Variants in SGPP2 observed in about 807,000 individuals in gnomAD.
The protein encoded by SGPP2 is sphingosine 1-phosphate phosphohydrolase 2.
Under a neutral mutation model 33.9 loss-of-function variants are expected in SGPP2, and 30 were observed. The observed-to-expected ratio is 0.89, with a 90% CI of 0.66 to 1.20. SGPP2 has a LOEUF of 1.20. Ranked by LOEUF, SGPP2 falls within the 50% of genes most tolerant of loss-of-function variation. The pLI, the probability that SGPP2 is intolerant of heterozygous loss-of-function variation, is 0.00. For synonymous variants in SGPP2, 233 were observed against 225.0 expected (o/e 1.04, Z -0.32); for missense variants, 458 against 532.1 (o/e 0.86, Z 1.37).
intron 1 of SGPP2, among the ~76,000 whole-genome samples, chr2:222,456,486 A>G (rs1171402221): frequency 6.6e-6 from 1 of 152,256 alleles, no homozygotes; most frequent in Admixed American, 6.5e-5. Context: ...ATGGCAGCTT[A>G]CAAATTCATA....
intron 1 of SGPP2, among the ~76,000 whole-genome samples, chr2:222,471,481 A>G (rs1399352842): frequency 6.6e-6 from 1 of 152,138 alleles, no homozygotes; most frequent in Non-Finnish European, 1.5e-5. Context: ...AAATACAACA[A>G]TGATCCTTTA....
At chr2:222,437,691 G>A (rs377164518) in intron 1 of SGPP2, among the ~76,000 whole-genome samples, 2 of 152,202 alleles carry the variant, frequency 1.3e-5, no homozygotes, top group East Asian at 3.8e-4. Context: ...TTTATGGCTA[G>A]GTGGGTCAGA....
rs1427483208 is a variant in SGPP2 at position 222,424,716 on chromosome 2, C to G, written c.114C>G (p.Pro38=). The G allele has an allele frequency of 6.9e-7, 1 of 1,441,456 alleles. No homozygotes were observed. The highest frequency in any genetic ancestry group is 2.5e-5 in the Admixed American group (1 of 39,276). 89.3% of individuals were successfully genotyped at this position (1,441,456 alleles called of 1,614,324 possible). ...GCCCCCGGGAGAACGGCGCGGACCC[C>G]ACGGAGCGCGCGGCGCGGGTCCCCG... ...DEGPRENGAD[P]TERAARVPGV... is the part of the protein sequence containing the mutation. Residue 38 remains proline (P), a synonymous_variant, in exon 1 of 5, where the codon CCC becomes CCG. Coordinates refer to ENST00000321276, the MANE Select transcript of SGPP2 (RefSeq NM_152386.4).
At chr2:222,521,342 T>C (rs1574875360) in intron 2 of SGPP2, among the ~76,000 whole-genome samples, 1 of 152,344 alleles carries the variant, frequency 6.6e-6, no homozygotes, top group South Asian at 2.1e-4. Context: ...TCAGACTTTC[T>C]AGATTCGAAT....
chr2:222,424,254 C>T (rs967994770), upstream of SGPP2, among the ~76,000 whole-genome samples: 212 of 47,290 alleles, frequency 4.5e-3, 1 homozygote, highest in African/African-American at 0.016. Context: ...TTACGTCTGC[C>T]GGGGGAAGAA....
Position 222,560,510 on chromosome 2 carries a change from A to G in SGPP2, c.*1612A>G, listed in dbSNP as rs1689517831. ...AAGGCGATGATTATGCAAACACCGG[A>G]GTTCCCTCCTCTTCAGTTCCTAAGA... On this transcript the variant is annotated 3_prime_UTR_variant, in exon 5 of 5. Transcript: ENST00000321276. 6.6e-6 allele frequency: 1 copy of G among 152,216 alleles called. No individual in the cohort carries two copies. Among genetic ancestry groups the G allele is most frequent in the African/African-American group, 2.4e-5 (1 of 41,442 alleles). The allele number at this position is 152,216 out of a possible 1,614,324, so 9.4% of individuals were successfully genotyped here.
intron 4 of SGPP2, among the ~76,000 whole-genome samples, chr2:222,558,021 TAA>T (rs1027238187): frequency 1.3e-5 from 2 of 152,198 alleles, no homozygotes; most frequent in African/African-American, 2.4e-5. Flanking sequence ...ATTTGTGATA[TAA>T]GTGTCGAAAT....
intron 1 of SGPP2, among the ~76,000 whole-genome samples, chr2:222,469,444 AAGTGCTGGGATTAC>A (rs1383660730): frequency 1.3e-5 from 2 of 152,158 alleles, no homozygotes; most frequent in Admixed American, 6.5e-5. Context: ...CGGACTCCCA[AAGTGCTGGGATTAC>A]AGGCATGAGC....
At chr2:222,451,738 G>C (rs1010448822) in intron 1 of SGPP2, among the ~76,000 whole-genome samples, 1 of 152,234 alleles carries the variant, frequency 6.6e-6, no homozygotes. Context: ...GGAAGGAAGA[G>C]AAGGGAAAAG....
At chr2:222,545,606 T>C (rs1689176354) in intron 4 of SGPP2, among the ~76,000 whole-genome samples, 1 of 152,104 alleles carries the variant, frequency 6.6e-6, no homozygotes, top group Non-Finnish European at 1.5e-5. Flanking sequence ...GTCTTTTGTC[T>C]GTTATTGTTT....
chr2:222,468,784 C>A (rs770334456), intron 1 of SGPP2, among the ~76,000 whole-genome samples: 3 of 152,202 alleles, frequency 2.0e-5, no homozygotes, highest in Non-Finnish European at 4.4e-5. Flanking sequence ...CTGCATGCCT[C>A]CCCTTCTTCC....
intron 1 of SGPP2, among the ~76,000 whole-genome samples, chr2:222,429,199 T>C (rs902193505): frequency 1.3e-5 from 2 of 152,162 alleles, no homozygotes; most frequent in African/African-American, 4.8e-5. Flanking sequence ...CATAAACCAA[T>C]GTCCAAGATC....
In SGPP2 at chr2:222,550,163, C is replaced by A. The variant is rs1349991752; in HGVS notation, c.649-8184C>A. Among the ~76,000 whole-genome samples the A allele has an allele frequency of 6.6e-6, 1 of 152,162 alleles. No individual in the cohort carries two copies. Among genetic ancestry groups the A allele is most frequent in the Non-Finnish European group, 1.5e-5 (1 of 68,040 alleles). On this transcript the variant is annotated intron_variant, in intron 4 of 4. Coordinates refer to ENST00000321276, the MANE Select transcript of SGPP2 (RefSeq NM_152386.4). This position sits in a 1 kb window ranked among gnomAD's most constrained non-coding sequence, Gnocchi z 4.5. ...AAAGTGCTGGGATTACAGGCATGAG[C>A]CACCGCACCCAGCCTGTATGCCTTT...
At chr2:222,439,701 A>C (rs1697296481) in intron 1 of SGPP2, among the ~76,000 whole-genome samples, 1 of 152,260 alleles carries the variant, frequency 6.6e-6, no homozygotes, top group African/African-American at 2.4e-5. Flanking sequence ...CAAAAGATCA[A>C]GTTCTGTAGA....
At chr2:222,522,770 C>G (rs146457930) in intron 3 of SGPP2, among the ~76,000 whole-genome samples, 113 of 152,328 alleles carry the variant, frequency 7.4e-4, no homozygotes, top group African/African-American at 2.5e-3. Context: ...TCTTGACCTT[C>G]TGGGCTCAAG....
chr2:222,448,102 A>G (rs1697424203), intron 1 of SGPP2, among the ~76,000 whole-genome samples: 1 of 152,220 alleles, frequency 6.6e-6, no homozygotes, highest in African/African-American at 2.4e-5. Context: ...TCCGAAGCAC[A>G]TGCTTGGGAA....
At chr2:222,514,201 A>T (rs1229364514) in intron 2 of SGPP2, among the ~76,000 whole-genome samples, 1 of 152,212 alleles carries the variant, frequency 6.6e-6, no homozygotes, top group African/African-American at 2.4e-5. Context: ...GGAGCCTTGA[A>T]CCTGCTTTAC....
At chr2:222,463,101 C>G (rs756349536) in intron 1 of SGPP2, among the ~76,000 whole-genome samples, 1 of 152,190 alleles carries the variant, frequency 6.6e-6, no homozygotes, top group Non-Finnish European at 1.5e-5. Context: ...CTGCTCTAGG[C>G]AAGACTTTAG....
At chr2:222,441,953 A>G (rs1046131848) in intron 1 of SGPP2, among the ~76,000 whole-genome samples, 2 of 152,214 alleles carry the variant, frequency 1.3e-5, no homozygotes, top group African/African-American at 4.8e-5. Flanking sequence ...TGGTACCCCC[A>G]TGTCTCTACA....
Sources: allele counts gnomAD v4.1 joint callset (sites outside exome capture counted in the v4.1 genomes callset), GRCh38; gene constraint gnomAD v4.1.1; non-coding constraint Gnocchi (gnomAD v3.1); transcripts MANE v1.5; gene names NCBI Gene and HGNC (gene_info 2026-07-23, HGNC 2026-07-21).